Variants in RPP40 observed in about 807,000 individuals in gnomAD.
The protein encoded by RPP40 is ribonuclease P protein subunit p40.
Under a neutral mutation model 42.5 loss-of-function variants are expected in RPP40, and 30 were observed. That is an observed-to-expected ratio of 0.71 (90% CI 0.53 to 0.96). The LOEUF (loss-of-function observed/expected upper bound fraction) is 0.96. Among genes scored for constraint, RPP40 ranks in the 40% least tolerant of loss-of-function variants. The probability of loss-of-function intolerance (pLI) is 0.00; values close to 1 mark genes in which losing one functional copy is unlikely to be tolerated. For missense variants in RPP40, 426 were observed against 433.5 expected (o/e 0.98, Z 0.15); for synonymous variants, 173 against 164.0 (o/e 1.05, Z -0.42).
At chr6:4,998,989 GC>G (rs1759464186) in intron 4 of RPP40, 148 bp from the exon 5 acceptor site, 1 of 506,958 alleles carries the variant, frequency 2.0e-6, no homozygotes, top group African/African-American at 2.0e-5. Flanking sequence ...CCTTTGGTTT[GC>G]CAAATAAATA....
chr6:4,995,191 T>TC lies in RPP40; in HGVS notation c.978_979insG (p.Asn327GlufsTer2), dbSNP rs1245807849. ...CCTCCTTTTCGAAAACCATGTTCAT[T>TC]TTTTTCCCAAGAAACAGGGCTGTCT... On this transcript the variant is annotated frameshift_variant, in exon 8 of 8. Coordinates refer to ENST00000380051, the MANE Select transcript of RPP40 (RefSeq NM_006638.4). LOFTEE classifies it high-confidence loss of function. 1 of 1,614,028 alleles carries TC rather than the reference T, an allele frequency of 6.2e-7. No homozygotes were observed. The highest frequency in any genetic ancestry group is 8.5e-7 in the Non-Finnish European group (1 of 1,179,982).
chr6:4,998,243 G>A (rs910489599), intron 5 of RPP40, among the ~76,000 whole-genome samples: 1 of 152,168 alleles, frequency 6.6e-6, no homozygotes. Context: ...TACGCTGTGT[G>A]GTGAATAGCA....
intron 1 of RPP40, among the ~76,000 whole-genome samples, chr6:5,003,238 A>T (rs986202464): frequency 1.0e-4 from 15 of 147,246 alleles, no homozygotes; most frequent in African/African-American, 3.0e-4. Flanking sequence ...ACCCAGCTAC[A>T]CGGGAGGCTG....
chr6:4,990,418 A>G (rs1471548289), downstream of RPP40, among the ~76,000 whole-genome samples: 1 of 152,088 alleles, frequency 6.6e-6, no homozygotes, highest in African/African-American at 2.4e-5. Flanking sequence ...GTCCTAGGAT[A>G]ATTTTGGCAC....
intron 1 of RPP40, among the ~76,000 whole-genome samples, chr6:5,003,359 A>AAAAG (rs1561748524): frequency 6.7e-6 from 1 of 149,618 alleles, no homozygotes; most frequent in African/African-American, 2.5e-5. Flanking sequence ...AAAAAAAAAA[A>AAAAG]AAAAAAAAGG....
At chr6:5,001,055 T>C (rs959654798) in intron 2 of RPP40, 5 of 458,230 alleles carry the variant, frequency 1.1e-5, no homozygotes, top group African/African-American at 8.0e-5. Flanking sequence ...GCAAGTTTAC[T>C]ATCATCAAGC....
chr6:5,003,721 A>G lies in RPP40; in HGVS notation c.123+159T>C, dbSNP rs1377441109. ...GTAGCCCTGCAAGCCACTGGCTTAG[A>G]GCAGTTAAGAGACTACAACTCCCAG... On this transcript the variant is annotated intron_variant, in intron 1 of 7. Coordinates refer to ENST00000380051, the MANE Select transcript of RPP40 (RefSeq NM_006638.4). The G allele has an allele frequency of 9.0e-6, 8 of 893,162 alleles. No individual in the cohort carries two copies. The East Asian group carries it at 2.3e-4, about 25-fold the overall frequency. The allele number at this position is 893,162 out of a possible 1,614,324, so 55.3% of individuals were successfully genotyped here.
intron 5 of RPP40, among the ~76,000 whole-genome samples, chr6:4,997,943 C>T (rs923440539): frequency 6.6e-6 from 1 of 152,202 alleles, no homozygotes; most frequent in Non-Finnish European, 1.5e-5. Flanking sequence ...GAAGACTTCA[C>T]GCAACTGAAA....
chr6:4,998,834 G>A lies in RPP40; in HGVS notation c.441C>T (p.Ser147=). The A allele has an allele frequency of 7.1e-7, 1 of 1,405,388 alleles. No homozygotes were observed. Among genetic ancestry groups the A allele is most frequent in the African/African-American group, 1.5e-5 (1 of 67,734 alleles). 87.1% of individuals were successfully genotyped at this position (1,405,388 alleles called of 1,614,324 possible). The change falls in exon 5 of 8, where the codon TCC becomes TCT. Residue 147 remains serine, a synonymous_variant. Coordinates refer to ENST00000380051, the MANE Select transcript of RPP40 (RefSeq NM_006638.4). ...SGRKIMKFIV[S]IDLMELSLNL... is the part of the protein sequence containing the mutation. ...TTAAGGATAATTCCATCAAATCAAT[G>A]GAAACAACTTTAAAAATGAAAAAAA...
downstream of RPP40, among the ~76,000 whole-genome samples, chr6:4,991,764 T>G (rs1759264035): frequency 6.6e-6 from 1 of 152,168 alleles, no homozygotes; most frequent in Non-Finnish European, 1.5e-5. Flanking sequence ...TGGGTCTGTG[T>G]CCCTGCCCAA....
chr6:4,997,889 G>A (rs1759429028), intron 5 of RPP40, among the ~76,000 whole-genome samples: 3 of 152,224 alleles, frequency 2.0e-5, no homozygotes, highest in African/African-American at 7.2e-5. Context: ...GGAGCTTTAG[G>A]AATAGGGAGC....
chr6:4,988,939 T>C, the RPP40 span, among the ~76,000 whole-genome samples: 1 of 152,358 alleles, frequency 6.6e-6, no homozygotes, highest in East Asian at 1.9e-4. Context: ...CTGCCAGTAA[T>C]ATACGGGAGA....
At position 4,996,347 on chromosome 6, in the gene RPP40, C is replaced by T; in HGVS notation, c.633G>A (p.Leu211=). 1 of 1,614,104 alleles carries T rather than the reference C, an allele frequency of 6.2e-7. No individual in the cohort carries two copies. Among genetic ancestry groups the T allele is most frequent in the Middle Eastern group, 1.7e-4 (1 of 5,974 alleles). The change falls in exon 6 of 8, where the codon CTG becomes CTA. Residue 211 remains leucine (L), a synonymous_variant. Coordinates refer to ENST00000380051, the MANE Select transcript of RPP40 (RefSeq NM_006638.4). ...QIQEHQPKVA[L]STLRDLQCPV... ...GGCACTGGAGATCTCTCAACGTGCT[C>T]AGTGCTACTTTTGGCTGATGCTCCT...
intron 4 of RPP40, among the ~76,000 whole-genome samples, chr6:4,999,129 G>T (rs1759468560): frequency 7.4e-6 from 1 of 135,944 alleles, no homozygotes; most frequent in Non-Finnish European, 1.6e-5. Context: ...ACTTATGGAT[G>T]TGGCGGCCTT....
intron 1 of RPP40, chr6:5,003,671 G>A: frequency 1.8e-6 from 1 of 542,222 alleles, no homozygotes; most frequent in Non-Finnish European, 3.0e-6. Context: ...CCCCACGCCC[G>A]GCGCATCCTG....
At chr6:5,002,460 G>A (rs897071146) in intron 1 of RPP40, among the ~76,000 whole-genome samples, 2 of 152,198 alleles carry the variant, frequency 1.3e-5, no homozygotes, top group African/African-American at 2.4e-5. Context: ...CAAACGTACA[G>A]TACAGGAAGG....
intron 5 of RPP40, among the ~76,000 whole-genome samples, chr6:4,998,140 C>G (rs1237946896): frequency 6.6e-6 from 1 of 152,230 alleles, no homozygotes; most frequent in Non-Finnish European, 1.5e-5. Flanking sequence ...AAAGAGAGTA[C>G]TACACCATAA....
rs778851333 is a variant in RPP40, at chr6:5,002,096, C to G, written c.268+5G>C. ...TTGTTCACAGCCATTTCAGGTTTTT[C>G]TTACCTTTCTTTATAAAGGTACTGA... On this transcript the variant is annotated splice_donor_5th_base_variant and intron_variant, in intron 2 of 7. Coordinates refer to ENST00000380051, the MANE Select transcript of RPP40 (RefSeq NM_006638.4). The G allele has an allele frequency of 6.2e-6, 10 of 1,609,762 alleles. No individual in the cohort carries two copies. Among genetic ancestry groups the G allele is most frequent in the Middle Eastern group, 1.7e-4 (1 of 6,060 alleles).
At chr6:5,001,484 G>A (rs749326381) in intron 2 of RPP40, among the ~76,000 whole-genome samples, 1 of 152,180 alleles carries the variant, frequency 6.6e-6, no homozygotes, top group Non-Finnish European at 1.5e-5. Context: ...GCTACCACAA[G>A]ATAAGCATGT....
Sources: gnomAD v4.1 joint callset for allele counts (sites outside exome capture counted in the v4.1 genomes callset) on GRCh38, gnomAD v4.1.1 for gene constraint, MANE v1.5 for transcripts, NCBI Gene and HGNC (gene_info 2026-07-23, HGNC 2026-07-21) for gene names.